DLG2: variants seen among roughly 807,000 people sequenced by gnomAD.
DLG2 encodes discs large MAGUK scaffold protein 2.
DLG2 carries 45 observed loss-of-function variants against 132.5 expected under a neutral mutation model. That is an observed-to-expected ratio of 0.34 (90% CI 0.27 to 0.44). The LOEUF is 0.44. Among genes scored for constraint, DLG2 ranks in the 20% least tolerant of loss-of-function variants. DLG2 has a pLI of 1.00. For synonymous variants in DLG2, 424 were observed against 419.6 expected, an observed-to-expected ratio of 1.01 and a Z score of -0.13; for missense variants, 1,045 against 1,196.9, an observed-to-expected ratio of 0.87 and a Z score of 1.87.
chr11:83,863,096 T>C (rs1030165227), intron 16 of DLG2, among the ~76,000 whole-genome samples: 6 of 152,162 alleles, frequency 3.9e-5, no homozygotes, highest in African/African-American at 1.4e-4. Flanking sequence ...CAGTGTCCAA[T>C]AAATATTTTG....
chr11:84,464,786 G>T (rs2099089604), intron 7 of DLG2, among the ~76,000 whole-genome samples: 2 of 151,126 alleles, frequency 1.3e-5, no homozygotes, highest in Admixed American at 6.6e-5. Flanking sequence ...AGAGAAAAAT[G>T]TACACATGTA....
intron 6 of DLG2, among the ~76,000 whole-genome samples, chr11:84,944,480 A>G (rs1199032864): frequency 6.6e-6 from 1 of 151,274 alleles, no homozygotes; most frequent in African/African-American, 2.4e-5. Context: ...CAAGCTCACT[A>G]ATTTTTTCTT....
At chr11:85,615,280 G>A (rs2081263041) in intron 2 of DLG2, among the ~76,000 whole-genome samples, 1 of 152,174 alleles carries the variant, frequency 6.6e-6, no homozygotes, top group South Asian at 2.1e-4. Flanking sequence ...ATTTTGGGAG[G>A]CCGAGGCAGA....
intron 17 of DLG2, chr11:83,791,388 T>C: frequency 1.5e-6 from 1 of 676,512 alleles, no homozygotes; most frequent in Admixed American, 2.3e-5. Context: ...TTTTTTCTTT[T>C]CCACCTTTTT....
intron 7 of DLG2, among the ~76,000 whole-genome samples, chr11:84,463,757 G>T (rs1252515625): frequency 6.6e-6 from 1 of 151,132 alleles, no homozygotes; most frequent in East Asian, 1.9e-4. Context: ...TGTGAATGAT[G>T]CATGTTGTAC....
At chr11:84,688,982 G>A (rs2057694523) in intron 6 of DLG2, among the ~76,000 whole-genome samples, 1 of 152,170 alleles carries the variant, frequency 6.6e-6, no homozygotes, top group Non-Finnish European at 1.5e-5. Context: ...TTTAGAATGT[G>A]GGAGAGGCCT....
intron 6 of DLG2, among the ~76,000 whole-genome samples, chr11:84,978,699 A>G (rs2055283899): frequency 6.6e-6 from 1 of 152,230 alleles, no homozygotes; most frequent in African/African-American, 2.4e-5. Context: ...TAGACCTAAA[A>G]CCATAAAAAC....
chr11:84,780,750 C>G (rs925486050), intron 6 of DLG2, among the ~76,000 whole-genome samples: 4 of 152,048 alleles, frequency 2.6e-5, no homozygotes, highest in African/African-American at 7.2e-5. Context: ...TTCCCTATAG[C>G]TCCAATATAC....
At chr11:85,342,164 C>CT (rs746561839) in intron 3 of DLG2, among the ~76,000 whole-genome samples, 2 of 152,078 alleles carry the variant, frequency 1.3e-5, no homozygotes, top group Non-Finnish European at 2.9e-5. Context: ...CTTAATATAA[C>CT]TTTTTTGCTT....
chr11:83,826,815 G>A (rs1310538146), intron 17 of DLG2, among the ~76,000 whole-genome samples: 1 of 152,122 alleles, frequency 6.6e-6, no homozygotes, highest in Non-Finnish European at 1.5e-5. Context: ...TGAGAGAAGA[G>A]AAGCTGAAGG....
At position 83,713,005 on chromosome 11, in the gene DLG2, T is replaced by A. The variant is rs112616015; in HGVS notation, c.1825+73685A>T. Among the ~76,000 whole-genome samples, 392 of 151,956 alleles carry A rather than the reference T, an allele frequency of 2.6e-3. 1 individual carries two copies. Among genetic ancestry groups the A allele is most frequent in the African/African-American group, 8.3e-3 (344 of 41,454 alleles). On this transcript the variant is annotated intron_variant, in intron 18 of 27. Transcript: ENST00000376104. ...AAAAAAGAAAGAAAATAAAAAAAAA[T>A]TTATTTTTTTACTAAATATTTGTTT...
chr11:85,247,676 A>G (rs1211519000), intron 4 of DLG2, among the ~76,000 whole-genome samples: 5 of 152,094 alleles, frequency 3.3e-5, no homozygotes, highest in Non-Finnish European at 5.9e-5. Context: ...GACTTATTCA[A>G]GAGACAAGGG....
intron 6 of DLG2, among the ~76,000 whole-genome samples, chr11:84,982,349 G>T (rs2055877385): frequency 6.6e-6 from 1 of 151,962 alleles, no homozygotes; most frequent in Non-Finnish European, 1.5e-5. Flanking sequence ...CCCAGAACCT[G>T]ACATTCCTCT....
Position 84,051,612 on chromosome 11 carries a change from C to T in DLG2, c.919+7703G>A, listed in dbSNP as rs546974161. ...ATACAGGAAGGGGAACATCATACACCGGGGCCTGTTGTGGGGTGGGGGAGG... is the reference window on the plus strand; with the variant it reads ...ATACAGGAAGGGGAACATCATACACTGGGGCCTGTTGTGGGGTGGGGGAGG... On this transcript the variant is annotated intron_variant, in intron 11 of 27. Transcript: ENST00000376104. 1.5e-3 allele frequency among the ~76,000 whole-genome samples: 122 copies of T among 78,796 alleles called. 1 individual carries two copies. The highest frequency in any genetic ancestry group is 3.2e-3 in the Admixed American group (16 of 4,936). The allele number at this position is 78,796 out of a possible 152,430, so 51.7% of individuals were successfully genotyped here. A position where few individuals can be genotyped will look rare whatever the true frequency, so the allele number is the denominator to read the frequency against.
At chr11:84,245,234 T>G (rs1567049129) in intron 8 of DLG2, among the ~76,000 whole-genome samples, 1 of 152,200 alleles carries the variant, frequency 6.6e-6, no homozygotes, top group Non-Finnish European at 1.5e-5. Flanking sequence ...GCCTTTTTTT[T>G]GGTTCATCTT....
chr11:83,923,036 T>A (rs1245986689), intron 15 of DLG2, among the ~76,000 whole-genome samples: 1 of 151,918 alleles, frequency 6.6e-6, no homozygotes, highest in Non-Finnish European at 1.5e-5. Flanking sequence ...AACGTAATAA[T>A]AAAAGGAAAA....
chr11:84,278,174 C>T (rs2097803907), intron 7 of DLG2, among the ~76,000 whole-genome samples: 4 of 150,664 alleles, frequency 2.7e-5, no homozygotes, highest in Non-Finnish European at 1.5e-5. Context: ...AAAACATGAG[C>T]CACTGTACCT....
intron 14 of DLG2, among the ~76,000 whole-genome samples, chr11:83,939,020 A>C (rs139777227): frequency 9.2e-4 from 140 of 152,332 alleles, no homozygotes; most frequent in African/African-American, 3.3e-3. Flanking sequence ...TAATGACATC[A>C]GCTGGCATTA....
chr11:83,588,678 G>A (rs1202663269), intron 19 of DLG2, among the ~76,000 whole-genome samples: 3 of 151,282 alleles, frequency 2.0e-5, no homozygotes, highest in African/African-American at 4.9e-5. Flanking sequence ...GGCTTCAGAC[G>A]ATCAAATTAC....
Sources: allele counts gnomAD v4.1 joint callset (sites outside exome capture counted in the v4.1 genomes callset), GRCh38; gene constraint gnomAD v4.1.1; transcripts MANE v1.5; gene names NCBI Gene and HGNC (gene_info 2026-07-23, HGNC 2026-07-21).